TUBD1: variants seen among roughly 807,000 people sequenced by gnomAD.
TUBD1 encodes tubulin delta chain.
In TUBD1, 38 loss-of-function variants were observed where a neutral mutation model predicts 51.2. The observed-to-expected ratio is 0.74, with a 90% CI of 0.57 to 0.97. The LOEUF is 0.97. Ranked by LOEUF, TUBD1 falls within the 50% of genes least tolerant of loss-of-function variation. The pLI is 0.00. For missense variants in TUBD1, 489 were observed against 538.4 expected, an observed-to-expected ratio of 0.91 and a Z score of 0.91; for synonymous variants, 169 against 178.2, an observed-to-expected ratio of 0.95 and a Z score of 0.41.
chr17:59,882,871 G>T (rs1402603481), intron 3 of TUBD1, among the ~76,000 whole-genome samples: 2 of 151,446 alleles, frequency 1.3e-5, no homozygotes, highest in African/African-American at 2.4e-5. Flanking sequence ...TGCAACCTCT[G>T]CCACTTGGGT....
intron 8 of TUBD1, among the ~76,000 whole-genome samples, chr17:59,862,909 AG>A (rs2039527123): frequency 6.6e-6 from 1 of 151,650 alleles, no homozygotes; most frequent in Non-Finnish European, 1.5e-5. Flanking sequence ...TATTTTTAGT[AG>A]AGACGGGGTT....
At position 59,878,288 on chromosome 17, in the gene TUBD1, T is replaced by C; in HGVS notation, c.584A>G (p.Tyr195Cys). The C allele has an allele frequency of 1.2e-6, 2 of 1,614,048 alleles. No homozygotes were observed. The highest frequency in any genetic ancestry group is 1.7e-6 in the Non-Finnish European group (2 of 1,179,996). The change falls in exon 5 of 9, where the codon TAC (tyrosine) becomes TGC (cysteine). Residue 195 changes from tyrosine to cysteine, a missense_variant. Transcript: ENST00000325752. The part of the protein sequence containing the change: ...YNSILTLSHL[Y>C]RSSDALLLHE... ...AAGAAGGAGGGCGTCTGAAGATCGG[T>C]ACAAGTGAGAAAGTGTCAAAATGGA...
chr17:59,863,744 T>C lies in TUBD1; in HGVS notation c.1179A>G (p.Ala393=). The C allele has an allele frequency of 6.8e-6, 11 of 1,610,804 alleles. No homozygotes were observed. The highest frequency in any genetic ancestry group is 1.3e-5 in the African/African-American group (1 of 74,788). ...AGAACTGGCTGTTGCTGACCAACAC[T>C]GCAGACTTCTCATATTTGCTAAAGG... ...QRAFSKYEKS[A]VLVSNSQFLV... Residue 393 remains alanine, a synonymous_variant, in exon 8 of 9, where the codon GCA becomes GCG. Coordinates refer to ENST00000325752, the MANE Select transcript of TUBD1 (RefSeq NM_016261.4).
intron 6 of TUBD1, among the ~76,000 whole-genome samples, chr17:59,867,525 T>C (rs1486053498): frequency 7.6e-6 from 1 of 132,186 alleles, no homozygotes; most frequent in African/African-American, 3.3e-5. Context: ...CTGGACAAAA[T>C]AGCAGACTCT....
chr17:59,888,814 C>T (rs141262249), intron 2 of TUBD1, among the ~76,000 whole-genome samples: 2,792 of 151,186 alleles, frequency 0.018, 35 homozygotes, highest in African/African-American at 0.036. Flanking sequence ...CGGGTTCAAG[C>T]GATTCTCCTG....
chr17:59,878,393 G>T, intron 4 of TUBD1, 59 bp from the exon 5 acceptor site: 1 of 1,230,992 alleles, frequency 8.1e-7, no homozygotes, highest in Non-Finnish European at 1.2e-6. Context: ...TAAGATTACA[G>T]ATTCTCAAGG....
Position 59,892,850 on chromosome 17 carries a change from C to A in TUBD1, c.-193G>T. On this transcript the variant is annotated 5_prime_UTR_variant, in exon 1 of 9. Coordinates refer to ENST00000325752, the MANE Select transcript of TUBD1 (RefSeq NM_016261.4). ...TGTTGTGTATATATTTTTTCCTATT[C>A]AGAAAGATTAATTACGCATGTTCAA... 3.6e-6 allele frequency: 1 copy of A among 279,736 alleles called. No individual in the cohort carries two copies. Among genetic ancestry groups the A allele is most frequent in the South Asian group, 5.9e-5 (1 of 17,032 alleles). The allele number at this position is 279,736 out of a possible 1,614,324, so 17.3% of individuals were successfully genotyped here. A position where few individuals can be genotyped will look rare whatever the true frequency, so the allele number is the denominator to read the frequency against.
intron 7 of TUBD1, among the ~76,000 whole-genome samples, chr17:59,864,145 G>T (rs1214337293): frequency 6.6e-6 from 1 of 151,650 alleles, no homozygotes. Context: ...TGAAAGGTGT[G>T]AATTATTACT....
chr17:59,868,752 G>A (rs1410932277), intron 6 of TUBD1, among the ~76,000 whole-genome samples: 13 of 151,916 alleles, frequency 8.6e-5, no homozygotes, highest in Admixed American at 6.6e-5. Flanking sequence ...CAGGGGAATC[G>A]CTTGAACCCG....
intron 3 of TUBD1, among the ~76,000 whole-genome samples, chr17:59,884,227 C>T (rs2040613663): frequency 1.3e-5 from 2 of 149,790 alleles, no homozygotes; most frequent in Non-Finnish European, 3.0e-5. Flanking sequence ...CACCACTGCA[C>T]TCCAACCTGG....
At chr17:59,868,624 T>G (rs1256064275) in intron 6 of TUBD1, among the ~76,000 whole-genome samples, 1 of 150,882 alleles carries the variant, frequency 6.6e-6, no homozygotes, top group African/African-American at 2.4e-5. Flanking sequence ...GGATCACGAG[T>G]TCAAGAGATC....
At chr17:59,871,446 C>T (rs2039978379) in intron 6 of TUBD1, among the ~76,000 whole-genome samples, 1 of 152,154 alleles carries the variant, frequency 6.6e-6, no homozygotes, top group Non-Finnish European at 1.5e-5. Flanking sequence ...GTTTCACCTG[C>T]CTTGGCCTCC....
At chr17:59,864,159 T>A (rs1013766433) in intron 7 of TUBD1, among the ~76,000 whole-genome samples, 4 of 145,816 alleles carry the variant, frequency 2.7e-5, no homozygotes, top group African/African-American at 1.0e-4. Context: ...TATTACTAAT[T>A]TTTTTTTTTT....
At chr17:59,867,406 G>T (rs1290864749) in intron 6 of TUBD1, among the ~76,000 whole-genome samples, 1 of 152,042 alleles carries the variant, frequency 6.6e-6, no homozygotes, top group East Asian at 1.9e-4. Context: ...TACTCAAAGG[G>T]CTATACTCAA....
At chr17:59,872,694 ATGTGTG>A (rs60720420) in intron 6 of TUBD1, among the ~76,000 whole-genome samples, 210 of 142,726 alleles carry the variant, frequency 1.5e-3, no homozygotes, top group Middle Eastern at 3.5e-3. Flanking sequence ...GAAAATGGGA[ATGTGTG>A]TGTGTGTGTG....
At chr17:59,865,410 T>C (rs1180442590) in intron 7 of TUBD1, among the ~76,000 whole-genome samples, 1 of 151,830 alleles carries the variant, frequency 6.6e-6, no homozygotes, top group African/African-American at 2.4e-5. Context: ...TCAAATCCCA[T>C]CTCTACTAAA....
rs2040469930 is a variant in TUBD1 at position 59,881,112 on chromosome 17, T to C, written c.321-2A>G. ...TGCCTGGGTCCATGAACAGAGTAAC[T>C]ATGCAATGGCAAAAGAAACAAACAC... On this transcript the variant is annotated splice_acceptor_variant, in intron 3 of 8. Transcript: ENST00000325752. LOFTEE classifies it high-confidence loss of function. 6.2e-7 allele frequency: 1 copy of C among 1,606,886 alleles called. No homozygotes were observed. The highest frequency in any genetic ancestry group is 8.5e-7 in the Non-Finnish European group (1 of 1,173,862).
In TUBD1 at chr17:59,889,010, CT is replaced by C. The variant is rs756097623; in HGVS notation, c.172+1820del. Among the ~76,000 whole-genome samples the C allele has an allele frequency of 1.6e-3, 90 of 55,794 alleles. 1 individual carries two copies. Among genetic ancestry groups the C allele is most frequent in the African/African-American group, 6.3e-3 (76 of 12,066 alleles). 36.6% of individuals were successfully genotyped at this position (55,794 alleles called of 152,430 possible). A position where few individuals can be genotyped will look rare whatever the true frequency, so the allele number is the denominator to read the frequency against. ...TACAGGGATGAGCCACCATGCCTGG[CT>C]TTTTTTTTTTTTTTTTTTTTTTGAG... On this transcript the variant is annotated intron_variant, in intron 2 of 8. Transcript: ENST00000325752.
At chr17:59,879,655 T>G (rs2040393126) in intron 4 of TUBD1, among the ~76,000 whole-genome samples, 1 of 151,738 alleles carries the variant, frequency 6.6e-6, no homozygotes, top group African/African-American at 2.4e-5. Context: ...AGGCTGGTCT[T>G]AAACTCCTGG....
Sources: allele counts gnomAD v4.1 joint callset (sites outside exome capture counted in the v4.1 genomes callset), GRCh38; gene constraint gnomAD v4.1.1; transcripts MANE v1.5; gene names NCBI Gene and HGNC (gene_info 2026-07-23, HGNC 2026-07-21).